Variants in KRABD5 observed in about 807,000 individuals in gnomAD.
KRABD5 encodes KRAB domain-containing protein 5.
chr16:31,737,154 C>A, the KRABD5 span, among the ~76,000 whole-genome samples: 20,252 of 152,036 alleles, frequency 0.13, 1,776 homozygotes, highest in South Asian at 0.32. Flanking sequence ...GATAAGGATA[C>A]CAATTTTCAC....
the KRABD5 span, chr16:31,722,535 T>G: frequency 1.3e-6 from 2 of 1,499,666 alleles, no homozygotes; most frequent in Non-Finnish European, 1.8e-6. Context: ...AATCAGTCAG[T>G]TTTCTTAGCT....
At chr16:31,728,906 TA>T in the KRABD5 span, among the ~76,000 whole-genome samples, 4 of 152,258 alleles carry the variant, frequency 2.6e-5, no homozygotes, top group Admixed American at 2.6e-4. Flanking sequence ...TATTTCTGTA[TA>T]TTTCTCCTTC....
the KRABD5 span, among the ~76,000 whole-genome samples, chr16:31,752,047 T>C: frequency 6.6e-6 from 1 of 152,238 alleles, no homozygotes; most frequent in South Asian, 2.1e-4. Flanking sequence ...GTTTAATTTC[T>C]ATGCATTTCT....
At chr16:31,718,789 G>T in the KRABD5 span, among the ~76,000 whole-genome samples, 1 of 152,106 alleles carries the variant, frequency 6.6e-6, no homozygotes, top group Non-Finnish European at 1.5e-5. Context: ...ATCACTACTG[G>T]GGCATCAGTA....
chr16:31,759,254 A>G, the KRABD5 span: 2 of 1,237,786 alleles, frequency 1.6e-6, no homozygotes, highest in Non-Finnish European at 1.1e-6. Context: ...GCTCAGGAAT[A>G]TGAAAAACCA....
the KRABD5 span, among the ~76,000 whole-genome samples, chr16:31,732,680 A>T: frequency 6.6e-6 from 1 of 152,178 alleles, no homozygotes; most frequent in East Asian, 1.9e-4. Context: ...TAAAGACTTT[A>T]TTATAGCCAT....
chr16:31,736,625 G>A, the KRABD5 span, among the ~76,000 whole-genome samples: 1 of 147,768 alleles, frequency 6.8e-6, no homozygotes, highest in Admixed American at 6.9e-5. Flanking sequence ...TCAAATGATT[G>A]TCCTGCCTCA....
At chr16:31,740,632 A>ATTTT in the KRABD5 span, among the ~76,000 whole-genome samples, 1 of 146,606 alleles carries the variant, frequency 6.8e-6, no homozygotes, top group Non-Finnish European at 1.5e-5. Flanking sequence ...TGCGTCTAAG[A>ATTTT]TTTTTTTTTT....
chr16:31,713,426 C>G, the KRABD5 span: 1 of 1,605,890 alleles, frequency 6.2e-7, no homozygotes, highest in South Asian at 1.1e-5. Flanking sequence ...ATCCCGGAAG[C>G]TGGGAAATGG....
chr16:31,759,218 T>G, the KRABD5 span: 1 of 898,950 alleles, frequency 1.1e-6, no homozygotes, highest in South Asian at 2.0e-5. Flanking sequence ...AATGAACTAA[T>G]TGTATAGCTT....
the KRABD5 span, among the ~76,000 whole-genome samples, chr16:31,729,625 CTGTT>C: frequency 6.6e-5 from 10 of 152,236 alleles, no homozygotes; most frequent in Non-Finnish European, 1.3e-4. Context: ...TTATCAATGT[CTGTT>C]TATTGGATAA....
At chr16:31,715,677 T>C in the KRABD5 span, among the ~76,000 whole-genome samples, 1 of 152,172 alleles carries the variant, frequency 6.6e-6, no homozygotes, top group African/African-American at 2.4e-5. Context: ...GGGGCAGTGT[T>C]GTGGCACTGA....
chr16:31,721,374 G>A, the KRABD5 span, among the ~76,000 whole-genome samples: 1 of 151,846 alleles, frequency 6.6e-6, no homozygotes, highest in Non-Finnish European at 1.5e-5. Flanking sequence ...CACCTGCTCT[G>A]AACATTCTTT....
the KRABD5 span, among the ~76,000 whole-genome samples, chr16:31,730,918 C>T: frequency 2.6e-5 from 4 of 152,116 alleles, no homozygotes; most frequent in Admixed American, 6.5e-5. Flanking sequence ...TTAAAACTCT[C>T]ATTTTGTTCA....
the KRABD5 span, among the ~76,000 whole-genome samples, chr16:31,744,120 T>C: frequency 6.6e-6 from 1 of 152,214 alleles, no homozygotes; most frequent in African/African-American, 2.4e-5. Flanking sequence ...TTTATTTCTT[T>C]CTCTTGCCTG....
the KRABD5 span, among the ~76,000 whole-genome samples, chr16:31,719,571 G>A: frequency 6.6e-6 from 1 of 151,904 alleles, no homozygotes; most frequent in African/African-American, 2.4e-5. Flanking sequence ...CGTGTCCCTA[G>A]CCTTGCTCTG....
the KRABD5 span, among the ~76,000 whole-genome samples, chr16:31,728,484 T>C: frequency 6.6e-6 from 1 of 152,138 alleles, no homozygotes; most frequent in East Asian, 1.9e-4. Flanking sequence ...TTTGGTTTCT[T>C]GTGTTTCCAA....
the KRABD5 span, among the ~76,000 whole-genome samples, chr16:31,752,126 G>A: frequency 4.6e-5 from 7 of 152,160 alleles, no homozygotes; most frequent in South Asian, 2.1e-4. Context: ...AGTATGACTG[G>A]TATGATTTTT....
At chr16:31,719,422 T>A in the KRABD5 span, among the ~76,000 whole-genome samples, 1 of 152,210 alleles carries the variant, frequency 6.6e-6, no homozygotes, top group African/African-American at 2.4e-5. Flanking sequence ...AACAAACAGT[T>A]AAAATCAGAA....
Sources: allele counts gnomAD v4.1 joint callset (sites outside exome capture counted in the v4.1 genomes callset), GRCh38; gene constraint gnomAD v4.1.1; transcripts MANE v1.5; gene names NCBI Gene and HGNC (gene_info 2026-07-23, HGNC 2026-07-21).